Variants in OR51M1 observed in about 807,000 individuals in gnomAD.
The protein encoded by OR51M1 is olfactory receptor 51M1.
For synonymous variants in OR51M1, 199 were observed against 155.1 expected (o/e 1.28, Z -2.10); for missense variants, 509 against 404.4 (o/e 1.26, Z -2.22).
chr11:5,393,132 T>G lies in OR51M1; in HGVS notation c.*2753T>G, dbSNP rs952500859. The G allele has an allele frequency of 3.3e-5, 5 of 152,210 alleles. No homozygotes were observed. The highest frequency in any genetic ancestry group is 6.5e-5 in the Admixed American group (1 of 15,284). 9.4% of individuals were successfully genotyped at this position (152,210 alleles called of 1,614,324 possible). A position where few individuals can be genotyped will look rare whatever the true frequency, so the allele number is the denominator to read the frequency against. On this transcript the variant is annotated 3_prime_UTR_variant, in exon 3 of 3. Transcript: ENST00000642046. Reference sequence around the variant, plus strand: ...TAAATTAAAAATTTAGGATGTAAGCTGTTTGTGGCAAAATTTTTTTCCTGT... The same window carrying G: ...TAAATTAAAAATTTAGGATGTAAGCGGTTTGTGGCAAAATTTTTTTCCTGT...
At chr11:5,388,950 C>T (rs913622201) in intron 2 of OR51M1, among the ~76,000 whole-genome samples, 1 of 151,918 alleles carries the variant, frequency 6.6e-6, no homozygotes, top group Non-Finnish European at 1.5e-5. Context: ...TGACTTGAGC[C>T]ACTGAGATAA....
chr11:5,390,112 A>G lies in OR51M1; in HGVS notation c.714A>G (p.Ala238=). ...ATGGACTCATCCTGCACACAGTAGC[A>G]GGCCTGGCCTCCCAAGAGGAGCAGC... The part of the protein sequence containing the change: ...LSYGLILHTV[A]GLASQEEQRR... The change falls in exon 3 of 3, where the codon GCA becomes GCG. Residue 238 remains alanine (A), a synonymous_variant. Coordinates refer to ENST00000642046, the MANE Select transcript of OR51M1 (RefSeq NM_001004756.3). 2.5e-6 allele frequency: 4 copies of G among 1,613,816 alleles called. No individual in the cohort carries two copies. The highest frequency in any genetic ancestry group is 3.4e-6 in the Non-Finnish European group (4 of 1,179,898).
Position 5,389,402 on chromosome 11 carries a change from T to TTC in OR51M1, c.4_5insTC (p.Ser2PhefsTer58). On this transcript the variant is annotated frameshift_variant, in exon 3 of 3. Transcript: ENST00000642046. LOFTEE classifies it low-confidence loss of function (END_TRUNC). Reference sequence around the variant, plus strand: ...TTTTCAGCTCAATCCCCGAGGAATGTCAGTCCAATATTCGCTCAGTCCTCA... The same window carrying TTC: ...TTTTCAGCTCAATCCCCGAGGAATGTTCCAGTCCAATATTCGCTCAGTCCTCA... 6.2e-7 allele frequency: 1 copy of TTC among 1,610,774 alleles called. No homozygotes were observed. Among genetic ancestry groups the TTC allele is most frequent in the Non-Finnish European group, 8.5e-7 (1 of 1,177,334 alleles).
chr11:5,386,888 TA>T (rs1021006177), intron 2 of OR51M1, among the ~76,000 whole-genome samples: 2 of 151,944 alleles, frequency 1.3e-5, no homozygotes, highest in African/African-American at 4.8e-5. Flanking sequence ...AATAATATTA[TA>T]AAAAATGCAT....
intron 2 of OR51M1, among the ~76,000 whole-genome samples, chr11:5,388,509 T>A (rs1483029133): frequency 1.3e-5 from 2 of 148,836 alleles, no homozygotes; most frequent in Non-Finnish European, 3.0e-5. Flanking sequence ...ATGTTTTTAT[T>A]CCAGGAAGAA....
At position 5,390,025 on chromosome 11, in the gene OR51M1, G is replaced by A; in HGVS notation, c.627G>A (p.Leu209=). The change falls in exon 3 of 3, where the codon CTG becomes CTA. Residue 209 remains leucine, a synonymous_variant. Transcript: ENST00000642046. ...GCACAGATATCACCTTCAATAATCT[G>A]TATGGACTGATGGTGGTAGTTTTCA... ...LACTDITFNN[L]YGLMVVVFTV... The A allele has an allele frequency of 6.2e-7, 1 of 1,613,538 alleles. No individual in the cohort carries two copies. Among genetic ancestry groups the A allele is most frequent in the Non-Finnish European group, 8.5e-7 (1 of 1,179,894 alleles).
Position 5,390,130 on chromosome 11 carries a change from G to C in OR51M1, c.732G>C (p.Glu244Asp), listed in dbSNP as rs1849771667. 5 of 1,613,672 alleles carry C rather than the reference G, an allele frequency of 3.1e-6. No homozygotes were observed. The highest frequency in any genetic ancestry group is 3.4e-6 in the Non-Finnish European group (4 of 1,179,862). ...LHTVAGLASQ[E>D]EQRRAFQTCT... ...CAGTAGCAGGCCTGGCCTCCCAAGAGGAGCAGCGCCGTGCCTTTCAGACAT... is the reference window on the plus strand; with the variant it reads ...CAGTAGCAGGCCTGGCCTCCCAAGACGAGCAGCGCCGTGCCTTTCAGACAT... Residue 244 changes from glutamate (E) to aspartate (D), a missense_variant, in exon 3 of 3, where the codon GAG becomes GAC. By Grantham distance (45) the Glu-to-Asp change is conservative. Transcript: ENST00000642046.
intron 1 of OR51M1, among the ~76,000 whole-genome samples, chr11:5,384,622 A>G (rs1424377263): frequency 1.3e-5 from 2 of 152,160 alleles, no homozygotes; most frequent in Admixed American, 6.5e-5. Flanking sequence ...TCTGGTCTCT[A>G]TACTCTTTCC....
Position 5,393,135 on chromosome 11 carries a change from T to C in OR51M1, c.*2756T>C, listed in dbSNP as rs1849821700. On this transcript the variant is annotated 3_prime_UTR_variant, in exon 3 of 3. Coordinates refer to ENST00000642046, the MANE Select transcript of OR51M1 (RefSeq NM_001004756.3). ...ATTAAAAATTTAGGATGTAAGCTGTTTGTGGCAAAATTTTTTTCCTGTTTG... is the reference window on the plus strand; with the variant it reads ...ATTAAAAATTTAGGATGTAAGCTGTCTGTGGCAAAATTTTTTTCCTGTTTG... 1 of 152,230 alleles carries C rather than the reference T, an allele frequency of 6.6e-6. No homozygotes were observed. The highest frequency in any genetic ancestry group is 2.4e-5 in the African/African-American group (1 of 41,456). The allele number at this position is 152,230 out of a possible 1,614,324, so 9.4% of individuals were successfully genotyped here.
At position 5,390,138 on chromosome 11, in the gene OR51M1, G is replaced by A. The variant is rs374323334; in HGVS notation, c.740G>A (p.Arg247His). The change falls in exon 3 of 3, where the codon CGC (arginine) becomes CAC (histidine). Residue 247 changes from arginine (R) to histidine (H), a missense_variant. Transcript: ENST00000642046. ...VAGLASQEEQ[R>H]RAFQTCTAPL... ...GGCCTGGCCTCCCAAGAGGAGCAGC[G>A]CCGTGCCTTTCAGACATGCACCGCT... is the stretch of plus-strand genomic sequence containing the variant. The A allele has an allele frequency of 1.3e-5, 21 of 1,613,774 alleles. No homozygotes were observed. The East Asian group carries it at 2.0e-4, about 15-fold the overall frequency.
rs1244701740 is a variant in OR51M1 at position 5,391,440 on chromosome 11, C to G, written c.*1061C>G. 6.6e-6 allele frequency: 1 copy of G among 152,142 alleles called. No homozygotes were observed. Among genetic ancestry groups the G allele is most frequent in the African/African-American group, 2.4e-5 (1 of 41,398 alleles). The allele number at this position is 152,142 out of a possible 1,614,324, so 9.4% of individuals were successfully genotyped here. ...TCCATTAGAATGACTAAATCAAGAT[C>G]CCTGGAGGAATTAGGCATGTCTTGC... On this transcript the variant is annotated 3_prime_UTR_variant, in exon 3 of 3. Coordinates refer to ENST00000642046, the MANE Select transcript of OR51M1 (RefSeq NM_001004756.3).
rs781232963 is a variant in OR51M1, at chr11:5,390,166, T to G, written c.768T>G (p.Pro256=). The change falls in exon 3 of 3, where the codon CCT becomes CCG. Residue 256 remains proline, a synonymous_variant. Transcript: ENST00000642046. The stretch of plus-strand genomic sequence containing the variant: ...GTGCCTTTCAGACATGCACCGCTCC[T>G]CTCTGTGCTGTGCTAGTATTCTTTG... The part of the protein sequence containing the change: ...QRRAFQTCTA[P]LCAVLVFFVP... 2 of 1,613,924 alleles carry G rather than the reference T, an allele frequency of 1.2e-6. No homozygotes were observed. The highest frequency in any genetic ancestry group is 4.5e-5 in the East Asian group (2 of 44,882).
rs1045483459 is a variant in OR51M1, at chr11:5,391,942, G to A, written c.*1563G>A. ...AAATTAGCCATGTGTGGCGGTGCAC[G>A]TCTGTAGTCTCAGCTACCTGGGAGG... On this transcript the variant is annotated 3_prime_UTR_variant, in exon 3 of 3. Transcript: ENST00000642046. 50 of 152,192 alleles carry A rather than the reference G, an allele frequency of 3.3e-4. No individual in the cohort carries two copies. The highest frequency in any genetic ancestry group is 2.8e-3 in the Admixed American group (42 of 15,262). 9.4% of individuals were successfully genotyped at this position (152,192 alleles called of 1,614,324 possible). A position where few individuals can be genotyped will look rare whatever the true frequency, so the allele number is the denominator to read the frequency against.
intron 2 of OR51M1, among the ~76,000 whole-genome samples, chr11:5,385,759 A>G (rs991933066): frequency 6.7e-6 from 1 of 149,044 alleles, no homozygotes; most frequent in Non-Finnish European, 1.5e-5. Context: ...GTTTACATAT[A>G]TAAATATACA....
At position 5,391,018 on chromosome 11, in the gene OR51M1, C is replaced by T. The variant is rs182025024; in HGVS notation, c.*639C>T. 21 of 152,398 alleles carry T rather than the reference C, an allele frequency of 1.4e-4. No individual in the cohort carries two copies. Among genetic ancestry groups the T allele is most frequent in the Admixed American group, 1.2e-3 (19 of 15,314 alleles). The allele number at this position is 152,398 out of a possible 1,614,324, so 9.4% of individuals were successfully genotyped here. On this transcript the variant is annotated 3_prime_UTR_variant, in exon 3 of 3. Coordinates refer to ENST00000642046, the MANE Select transcript of OR51M1 (RefSeq NM_001004756.3). ...TGATCCTATCCTTGACTCCTCTCAT[C>T]TCTGATTTTACCTTACAACCTCAAG...
At chr11:5,387,368 T>C (rs1849711349) in intron 2 of OR51M1, among the ~76,000 whole-genome samples, 1 of 152,202 alleles carries the variant, frequency 6.6e-6, no homozygotes, top group Non-Finnish European at 1.5e-5. Context: ...AGCATTGCTT[T>C]AGCTAAGTGG....
chr11:5,392,376 T>C lies in OR51M1; in HGVS notation c.*1997T>C, dbSNP rs1306303103. Reference sequence around the variant, plus strand: ...CTTCTCCATGTTGAGAGGAAATTCCTATTCTATAGATCTCATTTGGTAGAA... The same window carrying C: ...CTTCTCCATGTTGAGAGGAAATTCCCATTCTATAGATCTCATTTGGTAGAA... On this transcript the variant is annotated 3_prime_UTR_variant, in exon 3 of 3. Transcript: ENST00000642046. 3.3e-5 allele frequency: 5 copies of C among 152,244 alleles called. No homozygotes were observed. The highest frequency in any genetic ancestry group is 4.8e-5 in the African/African-American group (2 of 41,462). The allele number at this position is 152,244 out of a possible 1,614,324, so 9.4% of individuals were successfully genotyped here.
In OR51M1 at chr11:5,389,644, C is replaced by A; in HGVS notation, c.246C>A (p.Asp82Glu). 1.9e-6 allele frequency: 3 copies of A among 1,613,672 alleles called. No homozygotes were observed. The highest frequency in any genetic ancestry group is 2.5e-6 in the Non-Finnish European group (3 of 1,179,896). The change falls in exon 3 of 3, where the codon GAC becomes GAA. Residue 82 changes from aspartate (D) to glutamate (E), a missense_variant. By Grantham distance (45) the Asp-to-Glu change is conservative. Transcript: ENST00000642046. ...YYLLSLLALT[D>E]LGLCVSTLPT... ...TACTATCCTTGCTGGCCCTCACTGA[C>A]CTGGGGCTGTGTGTGTCCACGTTGC...
chr11:5,385,329 A>G (rs542241867), intron 1 of OR51M1, 24 bp from the exon 2 acceptor site: 3 of 152,304 alleles, frequency 2.0e-5, no homozygotes, highest in African/African-American at 7.2e-5. Flanking sequence ...AAATAATCCC[A>G]GCCCTGTCAT....
Sources: gnomAD v4.1 joint callset for allele counts (sites outside exome capture counted in the v4.1 genomes callset) on GRCh38, gnomAD v4.1.1 for gene constraint, MANE v1.5 for transcripts, NCBI Gene and HGNC (gene_info 2026-07-23, HGNC 2026-07-21) for gene names.